The following TNFRSF1A variants were observed in gnomAD, a reference collection of about 807,000 sequenced individuals.
The protein encoded by TNFRSF1A is TNF receptor superfamily member 1A.
Under a neutral mutation model 41.6 loss-of-function variants are expected in TNFRSF1A, and 9 were observed. The ratio of observed to expected loss-of-function variants is 0.22; its 90% CI spans 0.13 to 0.38. The LOEUF is 0.38. Among genes scored for constraint, TNFRSF1A ranks in the 10% least tolerant of loss-of-function variants. TNFRSF1A has a pLI of 1.00. For synonymous variants in TNFRSF1A, 254 were observed against 248.6 expected, an observed-to-expected ratio of 1.02 and a Z score of -0.21; for missense variants, 463 against 591.5, an observed-to-expected ratio of 0.78 and a Z score of 2.25.
rs201683984 is a variant in TNFRSF1A, at chr12:6,329,570, G to A, written c.1110C>T (p.Arg370=). 3,672 of 1,592,362 alleles carry A rather than the reference G, an allele frequency of 2.3e-3. 9 individuals carry two copies. Among genetic ancestry groups the A allele is most frequent in the Non-Finnish European group, 2.3e-3 (2,709 of 1,175,648 alleles). The change falls in exon 10 of 10, where the codon CGC becomes CGT. Residue 370 remains arginine, a synonymous_variant. Transcript: ENST00000162749. ...CTAGGCGCCGCACGAATTCCTTCCAGCGCAACGGGGGCACGTTCTCCACCA... is the reference window on the plus strand; with the variant it reads ...CTAGGCGCCGCACGAATTCCTTCCAACGCAACGGGGGCACGTTCTCCACCA... ...YAVVENVPPL[R]WKEFVRRLGL...
In TNFRSF1A at chr12:6,333,615, C is replaced by T; in HGVS notation, c.323-99G>A. The T allele has an allele frequency of 6.3e-7, 1 of 1,582,780 alleles. No individual in the cohort carries two copies. Among genetic ancestry groups the T allele is most frequent in the South Asian group, 1.1e-5 (1 of 88,072 alleles). On this transcript the variant is annotated intron_variant, in intron 3 of 9. Coordinates refer to ENST00000162749, the MANE Select transcript of TNFRSF1A (RefSeq NM_001065.4). The surrounding 1 kb of genome is among the most constrained non-coding windows in gnomAD (Gnocchi z 6.3). ...AGTGTGTGTCTCTGTAATACACACT[C>T]ACATCCATGCAGTGTCCCACCAAAA...
In TNFRSF1A at chr12:6,333,173, A is replaced by G. The variant is rs767538136; in HGVS notation, c.473-26T>C. ...CTGTAGGGAGAAGTGCGGCACAGCT[A>G]AAGGAGAAGCGCCTGCACCCCCACC... is the stretch of plus-strand genomic sequence containing the variant. On this transcript the variant is annotated intron_variant, in intron 4 of 9. Transcript: ENST00000162749. The surrounding 1 kb of genome is among the most constrained non-coding windows in gnomAD (Gnocchi z 6.3). 3 of 1,612,078 alleles carry G rather than the reference A, an allele frequency of 1.9e-6. No individual in the cohort carries two copies. The highest frequency in any genetic ancestry group is 2.2e-5 in the East Asian group (1 of 44,870).
chr12:6,330,796 G>A (rs879723342), intron 6 of TNFRSF1A, 57 bp downstream of exon 6: 1 of 1,586,348 alleles, frequency 6.3e-7, no homozygotes, highest in Non-Finnish European at 8.7e-7. Context: ...ATGGACGGGT[G>A]GGGGCAAGAA....
rs45562531 is a variant in TNFRSF1A, at chr12:6,330,019, G to A, written c.816C>T (p.Ser272=). ...TTTKPLAPNP[S]FSPTPGFTPT... ...GGGTGAAGCCTGGAGTGGGACTGAA[G>A]CTTGGGTTTGGGGCCAGGGGCTTAG... The change falls in exon 9 of 10, where the codon AGC becomes AGT. Residue 272 remains serine, a synonymous_variant. Transcript: ENST00000162749. 71 of 1,611,128 alleles carry A rather than the reference G, an allele frequency of 4.4e-5. 1 individual carries two copies. In the East Asian group the frequency reaches 1.5e-3, roughly 34 times the overall value.
At chr12:6,338,814 G>T (rs1010747834) in intron 1 of TNFRSF1A, among the ~76,000 whole-genome samples, 4 of 152,028 alleles carry the variant, frequency 2.6e-5, no homozygotes, top group African/African-American at 9.7e-5. Flanking sequence ...ATTTTTTGTA[G>T]AGACAGGGTT....
intron 5 of TNFRSF1A, among the ~76,000 whole-genome samples, chr12:6,332,433 C>CAA (rs34324660): frequency 2.6e-3 from 101 of 39,150 alleles, no homozygotes; most frequent in South Asian, 4.4e-3. Flanking sequence ...AACCCTGTCT[C>CAA]AAAAAAAAAA....
Position 6,329,069 on chromosome 12 carries a change from T to C in TNFRSF1A, c.*243A>G. 4.8e-6 allele frequency: 2 copies of C among 413,284 alleles called. No individual in the cohort carries two copies. Among genetic ancestry groups the C allele is most frequent in the Non-Finnish European group, 8.4e-6 (2 of 237,668 alleles). The allele number at this position is 413,284 out of a possible 1,614,324, so 25.6% of individuals were successfully genotyped here. A position where few individuals can be genotyped will look rare whatever the true frequency, so the allele number is the denominator to read the frequency against. On this transcript the variant is annotated 3_prime_UTR_variant, in exon 10 of 10. Transcript: ENST00000162749. ...AAACGGGCATGAGGCATAGCGTCCC[T>C]CATCCTCGCAAACCACCCACTCAGG... is the stretch of plus-strand genomic sequence containing the variant.
At chr12:6,338,410 T>C (rs746615688) in intron 1 of TNFRSF1A, among the ~76,000 whole-genome samples, 3 of 152,086 alleles carry the variant, frequency 2.0e-5, no homozygotes, top group Non-Finnish European at 4.4e-5. Context: ...AAGTGTCTTC[T>C]AGCCTCTCTC....
At position 6,330,910 on chromosome 12, in the gene TNFRSF1A, C is replaced by T. The variant is rs1391697829; in HGVS notation, c.568G>A (p.Glu190Lys). The change falls in exon 6 of 10, where the codon GAG becomes AAG. Residue 190 changes from glutamate (E) to lysine (K), a missense_variant. Coordinates refer to ENST00000162749, the MANE Select transcript of TNFRSF1A (RefSeq NM_001065.4). ...TGGGGTAGGCACAACTTCGTGCACT[C>T]CAGGCTTTTCTTACAGCTAAAAGAA... is the stretch of plus-strand genomic sequence containing the variant. ...VSCSNCKKSL[E>K]CTKLCLPQIE... 6.2e-7 allele frequency: 1 copy of T among 1,613,368 alleles called. No homozygotes were observed. The highest frequency in any genetic ancestry group is 8.5e-7 in the Non-Finnish European group (1 of 1,180,002).
intron 7 of TNFRSF1A, 145 bp downstream of exon 7, chr12:6,330,453 C>T (rs1203805572): frequency 7.0e-6 from 7 of 996,400 alleles, no homozygotes; most frequent in Non-Finnish European, 9.5e-6. Context: ...TCTCCCCAGC[C>T]ATCCAGGGCC....
At chr12:6,330,781 G>A (rs2136817579) in intron 6 of TNFRSF1A, 70 bp from the exon 7 acceptor site, 2 of 1,573,970 alleles carry the variant, frequency 1.3e-6, no homozygotes, top group East Asian at 2.2e-5. Context: ...GGATGGGTGG[G>A]ATGGATGGAC....
At chr12:6,332,116 AATGTCATT>A (rs1948058064) in intron 5 of TNFRSF1A, 1 of 242,896 alleles carries the variant, frequency 4.1e-6, no homozygotes, top group African/African-American at 2.4e-5. Flanking sequence ...TCACCAAATG[AATGTCATT>A]ATGCTTACTT....
chr12:6,330,246 A>G, intron 8 of TNFRSF1A, 21 bp downstream of exon 8: 1 of 1,614,130 alleles, frequency 6.2e-7, no homozygotes, highest in South Asian at 1.1e-5. Flanking sequence ...ATTTGGGAGT[A>G]ACTCTCTCAT....
chr12:6,340,356 G>A (rs1216220683), intron 1 of TNFRSF1A, among the ~76,000 whole-genome samples: 2 of 152,216 alleles, frequency 1.3e-5, no homozygotes, highest in African/African-American at 4.8e-5. Flanking sequence ...GGCATGGAAG[G>A]TTAGGTTATA....
Position 6,341,797 on chromosome 12 carries a change from C to A in TNFRSF1A, c.18G>T (p.Val6=). MGLST[V]PDLLLPLVLL... ...TCACCAGTGGCAGCAGCAGGTCAGGCACGGTGGAGAGGCCCATGCCAGACA... is the reference window on the plus strand; with the variant it reads ...TCACCAGTGGCAGCAGCAGGTCAGGAACGGTGGAGAGGCCCATGCCAGACA... The change falls in exon 1 of 10, where the codon GTG becomes GTT. Residue 6 remains valine (V), a synonymous_variant. Coordinates refer to ENST00000162749, the MANE Select transcript of TNFRSF1A (RefSeq NM_001065.4). The surrounding 1 kb of genome is among the most constrained non-coding windows in gnomAD (Gnocchi z 4.6). 6.2e-7 allele frequency: 1 copy of A among 1,614,170 alleles called. No individual in the cohort carries two copies. The highest frequency in any genetic ancestry group is 8.5e-7 in the Non-Finnish European group (1 of 1,180,018).
Position 6,341,028 on chromosome 12 carries a change from T to TG in TNFRSF1A, c.39+747dup, listed in dbSNP as rs1205117991. 1.3e-5 allele frequency among the ~76,000 whole-genome samples: 2 copies of TG among 151,914 alleles called. No individual in the cohort carries two copies. Among genetic ancestry groups the TG allele is most frequent in the Non-Finnish European group, 2.9e-5 (2 of 67,972 alleles). On this transcript the variant is annotated intron_variant, in intron 1 of 9. Transcript: ENST00000162749. The surrounding 1 kb of genome is among the most constrained non-coding windows in gnomAD (Gnocchi z 4.6). ...GACAGGCCCAGGGACACTGACCAGG[T>TG]GGGGGTAGGACTAGCTCCCTGGGAA...
rs930781621 is a variant in TNFRSF1A at position 6,341,447 on chromosome 12, G to T, written c.39+329C>A. Among the ~76,000 whole-genome samples the T allele has an allele frequency of 1.3e-5, 2 of 152,108 alleles. No individual in the cohort carries two copies. The highest frequency in any genetic ancestry group is 2.9e-5 in the Non-Finnish European group (2 of 67,998). ...CTACTCCCACTCCCTTCTTTTCCCC[G>T]CCAAATCTGCCCCACCCTGGGCCTA... On this transcript the variant is annotated intron_variant, in intron 1 of 9. Transcript: ENST00000162749. This position sits in a 1 kb window ranked among gnomAD's most constrained non-coding sequence, Gnocchi z 4.6.
Position 6,329,622 on chromosome 12 carries a change from G to T in TNFRSF1A, c.1058C>A (p.Thr353Asn). 6.3e-7 allele frequency: 1 copy of T among 1,593,382 alleles called. No homozygotes were observed. ...DSAHKPQSLD[T>N]DDPATLYAVV... ...GGCGTACAGCGTCGCGGGGTCATCA[G>T]CTGCGGGGACGCGGGCCGGTGAGCC... is the stretch of plus-strand genomic sequence containing the variant. The change falls in exon 10 of 10, where the codon ACT becomes AAT. Residue 353 changes from threonine (T) to asparagine (N), a missense_variant and splice_region_variant. Thr to Asn is a moderately conservative substitution (Grantham distance 65, BLOSUM62 0). Transcript: ENST00000162749.
chr12:6,339,981 G>A (rs947971664), intron 1 of TNFRSF1A, among the ~76,000 whole-genome samples: 1 of 152,048 alleles, frequency 6.6e-6, no homozygotes, highest in Non-Finnish European at 1.5e-5. Context: ...TGTCCCTTAG[G>A]AGACATAATC....
Sources: allele counts gnomAD v4.1 joint callset (sites outside exome capture counted in the v4.1 genomes callset), GRCh38; gene constraint gnomAD v4.1.1; non-coding constraint Gnocchi (gnomAD v3.1); transcripts MANE v1.5; gene names NCBI Gene and HGNC (gene_info 2026-07-23, HGNC 2026-07-21).